EXOC4: variants seen among roughly 807,000 people sequenced by gnomAD.
EXOC4 encodes SEC8-like 1.
Under a neutral mutation model 107.2 loss-of-function variants are expected in EXOC4, and 71 were observed. That is an observed-to-expected ratio of 0.66 (90% CI 0.55 to 0.81). EXOC4 has a LOEUF of 0.81. EXOC4 is among the 30% of genes least tolerant of loss of function. The pLI is 0.00. For missense variants in EXOC4, 1,108 were observed against 1,189.6 expected (o/e 0.93, Z 1.01); for synonymous variants, 456 against 441.2 (o/e 1.03, Z -0.42).
At chr7:133,276,858 A>T (rs1021743138) in intron 2 of EXOC4, among the ~76,000 whole-genome samples, 8 of 152,206 alleles carry the variant, frequency 5.3e-5, no homozygotes, top group Non-Finnish European at 7.3e-5. Flanking sequence ...ACAAATACTG[A>T]TGATATATGA....
At chr7:133,262,364 G>GTT (rs1025909791) in intron 1 of EXOC4, among the ~76,000 whole-genome samples, 11 of 143,730 alleles carry the variant, frequency 7.7e-5, no homozygotes, top group Non-Finnish European at 9.2e-5. Flanking sequence ...ATAGTGGCCA[G>GTT]TTTTTTTTTT....
chr7:133,834,562 T>G (rs1408506719), intron 11 of EXOC4, among the ~76,000 whole-genome samples: 3 of 152,238 alleles, frequency 2.0e-5, no homozygotes, highest in African/African-American at 7.2e-5. Context: ...AAATTGTTTT[T>G]CTAAGAATCC....
intron 13 of EXOC4, among the ~76,000 whole-genome samples, chr7:133,932,013 A>G (rs551129369): frequency 6.6e-6 from 1 of 152,338 alleles, no homozygotes; most frequent in Non-Finnish European, 1.5e-5. Flanking sequence ...AAATACTTAC[A>G]CAAGGACAGA....
chr7:133,478,386 C>T lies in EXOC4; in HGVS notation c.1329-1664C>T, dbSNP rs533701184. Reference sequence around the variant, plus strand: ...TTATTACACATTTTTTATTATTGGGCAGTAATGAAACTTATCACAGACACA... The same window carrying T: ...TTATTACACATTTTTTATTATTGGGTAGTAATGAAACTTATCACAGACACA... On this transcript the variant is annotated intron_variant, in intron 8 of 17. Transcript: ENST00000253861. Among the ~76,000 whole-genome samples the T allele has an allele frequency of 1.5e-4, 23 of 151,278 alleles. No homozygotes were observed. The East Asian group carries it at 4.1e-3, about 27-fold the overall frequency.
intron 9 of EXOC4, chr7:133,551,804 G>A (rs917743444): frequency 6.6e-5 from 10 of 152,018 alleles, no homozygotes; most frequent in African/African-American, 1.2e-4. Flanking sequence ...TTAAAATGCC[G>A]AAGTTTGGGA....
At chr7:133,321,557 A>T (rs1795113140) in intron 5 of EXOC4, among the ~76,000 whole-genome samples, 1 of 152,146 alleles carries the variant, frequency 6.6e-6, no homozygotes, top group African/African-American at 2.4e-5. Context: ...ACATGAACTC[A>T]TCCTTTTTTA....
chr7:134,062,895 CT>C (rs1235961138), intron 17 of EXOC4, among the ~76,000 whole-genome samples: 1 of 152,230 alleles, frequency 6.6e-6, no homozygotes, highest in Non-Finnish European at 1.5e-5. Context: ...AGGCACAAGT[CT>C]TCCTCCACCA....
At chr7:133,883,193 A>G (rs1033622110) in intron 11 of EXOC4, among the ~76,000 whole-genome samples, 9 of 152,142 alleles carry the variant, frequency 5.9e-5, no homozygotes, top group Non-Finnish European at 1.2e-4. Context: ...TAAGAGCTGC[A>G]CAGTTCATCC....
chr7:133,917,602 G>A lies in EXOC4; in HGVS notation c.1891G>A (p.Glu631Lys), dbSNP rs1410771814. Residue 631 changes from glutamate (E) to lysine (K), a missense_variant, in exon 13 of 18, where the codon GAA becomes AAA. Transcript: ENST00000253861. The part of the protein sequence containing the change: ...AAYRGIVQSE[E>K]KLVISASWAK... ...GTTTAGGGGTATTGTCCAGTCAGAA[G>A]AAAAACTTGTCATCAGTGCATCCTG... The A allele has an allele frequency of 6.2e-7, 1 of 1,613,888 alleles. No homozygotes were observed. Among genetic ancestry groups the A allele is most frequent in the Non-Finnish European group, 8.5e-7 (1 of 1,180,002 alleles).
chr7:133,849,340 A>C (rs554746017), intron 11 of EXOC4, among the ~76,000 whole-genome samples: 2 of 152,134 alleles, frequency 1.3e-5, no homozygotes, highest in Non-Finnish European at 2.9e-5. Context: ...GGATTGTTTG[A>C]GCCCAGGAGT....
chr7:133,377,596 T>G (rs1796517462), intron 7 of EXOC4, among the ~76,000 whole-genome samples: 1 of 152,066 alleles, frequency 6.6e-6, no homozygotes, highest in Admixed American at 6.6e-5. Flanking sequence ...ACAGAGAGAT[T>G]GGGGTAGAAA....
intron 10 of EXOC4, among the ~76,000 whole-genome samples, chr7:133,763,645 C>T (rs1228123736): frequency 6.6e-6 from 1 of 150,940 alleles, no homozygotes; most frequent in African/African-American, 2.4e-5. Flanking sequence ...TATAGGATTG[C>T]TTGCATTTTT....
intron 7 of EXOC4, among the ~76,000 whole-genome samples, chr7:133,387,406 A>G (rs1388552335): frequency 6.6e-6 from 1 of 152,198 alleles, no homozygotes; most frequent in Non-Finnish European, 1.5e-5. Context: ...CGGTGCTCTA[A>G]CTGATCTCCA....
chr7:133,257,000 T>C (rs564203576), intron 1 of EXOC4, among the ~76,000 whole-genome samples: 1 of 152,364 alleles, frequency 6.6e-6, no homozygotes, highest in South Asian at 2.1e-4. Context: ...TTTTAAGTGC[T>C]TTGAGACTCA....
chr7:133,864,244 T>TTG (rs1218219532), intron 11 of EXOC4, among the ~76,000 whole-genome samples: 1 of 152,210 alleles, frequency 6.6e-6, no homozygotes. Context: ...CTTAATGCCT[T>TTG]TGTGTGTATC....
At chr7:133,320,651 C>A (rs1795090459) in intron 5 of EXOC4, among the ~76,000 whole-genome samples, 2 of 152,186 alleles carry the variant, frequency 1.3e-5, no homozygotes. Flanking sequence ...ATTCTGCTTA[C>A]CACACTCTAC....
At chr7:133,604,435 A>G (rs1485003876) in intron 9 of EXOC4, among the ~76,000 whole-genome samples, 1 of 152,178 alleles carries the variant, frequency 6.6e-6, no homozygotes, top group African/African-American at 2.4e-5. Flanking sequence ...ATATGTAAGT[A>G]TTGCATTGCA....
intron 4 of EXOC4, among the ~76,000 whole-genome samples, chr7:133,312,513 A>C (rs891194581): frequency 1.3e-5 from 2 of 152,170 alleles, no homozygotes; most frequent in Admixed American, 6.6e-5. Context: ...TTTTTTAAAA[A>C]TAATAATACA....
intron 16 of EXOC4, 22 bp downstream of exon 16, chr7:134,005,112 T>G: frequency 6.3e-7 from 1 of 1,590,854 alleles, no homozygotes; most frequent in Non-Finnish European, 8.6e-7. Flanking sequence ...CTTCTGTCTC[T>G]GGGAGTTTGG....
Sources: allele counts gnomAD v4.1 joint callset (sites outside exome capture counted in the v4.1 genomes callset), GRCh38; gene constraint gnomAD v4.1.1; transcripts MANE v1.5; gene names NCBI Gene and HGNC (gene_info 2026-07-23, HGNC 2026-07-21).